Variants in MOB3B observed in about 807,000 individuals in gnomAD.
The protein encoded by MOB3B is MOB kinase activator 3B, also known as MOB kinase activator-like 2B.
MOB3B carries 7 observed loss-of-function variants against 18.7 expected under a neutral mutation model. That is an observed-to-expected ratio of 0.37 (90% CI 0.21 to 0.70). MOB3B has a LOEUF of 0.70. Among genes scored for constraint, MOB3B ranks in the 30% least tolerant of loss-of-function variants. The pLI is 0.52. For synonymous variants in MOB3B, 111 were observed against 99.9 expected (o/e 1.11, Z -0.66); for missense variants, 253 against 281.3 (o/e 0.90, Z 0.72).
At chr9:27,345,161 G>T (rs34778846) in intron 3 of MOB3B, among the ~76,000 whole-genome samples, 6,181 of 152,182 alleles carry the variant, frequency 0.041, 268 homozygotes, top group African/African-American at 0.1. Flanking sequence ...CCTCCCCCAA[G>T]CCCACACACA....
intron 1 of MOB3B, among the ~76,000 whole-genome samples, chr9:27,493,931 C>T (rs914957888): frequency 6.6e-6 from 1 of 152,192 alleles, no homozygotes; most frequent in African/African-American, 2.4e-5. Context: ...AGCCATTTTT[C>T]TCTTCTTTCA....
chr9:27,480,151 C>CTT (rs1175368274), intron 1 of MOB3B, among the ~76,000 whole-genome samples: 1 of 150,902 alleles, frequency 6.6e-6, no homozygotes, highest in Non-Finnish European at 1.5e-5. Flanking sequence ...AAATAGAATG[C>CTT]ATAACTTTTT....
At chr9:27,524,416 C>T (rs754125470) in intron 1 of MOB3B, 1 of 1,614,076 alleles carries the variant, frequency 6.2e-7, no homozygotes, top group Admixed American at 1.7e-5. Context: ...GGCACCCTAT[C>T]CCTGGACTGT....
chr9:27,344,134 G>GA (rs557866390), intron 3 of MOB3B, among the ~76,000 whole-genome samples: 1 of 151,512 alleles, frequency 6.6e-6, no homozygotes, highest in South Asian at 2.1e-4. Context: ...ATCCATTTTA[G>GA]AAAAAAAATT....
chr9:27,335,051 T>A (rs1181614947), intron 3 of MOB3B, among the ~76,000 whole-genome samples: 2 of 152,196 alleles, frequency 1.3e-5, no homozygotes, highest in African/African-American at 4.8e-5. Context: ...GTGATCCGCC[T>A]GCCTTGGCCT....
chr9:27,503,398 C>T (rs951568087), intron 1 of MOB3B, among the ~76,000 whole-genome samples: 2 of 152,192 alleles, frequency 1.3e-5, no homozygotes, highest in African/African-American at 2.4e-5. Context: ...ATCAACTTCT[C>T]GCAAATTAAT....
intron 1 of MOB3B, among the ~76,000 whole-genome samples, chr9:27,480,192 G>T (rs1355427923): frequency 6.6e-6 from 1 of 151,626 alleles, no homozygotes; most frequent in Non-Finnish European, 1.5e-5. Context: ...TCACTCTGTT[G>T]CCCAGGCTGG....
Position 27,326,883 on chromosome 9 carries a change from G to A in MOB3B, c.*3704C>T, listed in dbSNP as rs1820719800. ...TCTGTTTATGTACTTGTGATCCTTT[G>A]GAGGGTCACAACTCACTGTACTATC... On this transcript the variant is annotated 3_prime_UTR_variant, in exon 4 of 4. Transcript: ENST00000262244. 3.9e-6 allele frequency: 1 copy of A among 256,794 alleles called. No individual in the cohort carries two copies. The highest frequency in any genetic ancestry group is 5.4e-5 in the Admixed American group (1 of 18,440). The allele number at this position is 256,794 out of a possible 1,614,324, so 15.9% of individuals were successfully genotyped here.
chr9:27,454,456 G>A (rs1362969695), intron 2 of MOB3B, among the ~76,000 whole-genome samples: 1 of 152,172 alleles, frequency 6.6e-6, no homozygotes, highest in Admixed American at 6.5e-5. Context: ...AAAGTGCATG[G>A]AAAAATCTAA....
intron 2 of MOB3B, among the ~76,000 whole-genome samples, chr9:27,412,936 G>C (rs968302649): frequency 2.0e-5 from 3 of 152,212 alleles, no homozygotes; most frequent in Admixed American, 6.5e-5. Context: ...CACGCTGAGG[G>C]ACCAGGCTGG....
At chr9:27,419,843 GA>G (rs1175582417) in intron 2 of MOB3B, among the ~76,000 whole-genome samples, 1 of 152,082 alleles carries the variant, frequency 6.6e-6, no homozygotes, top group Admixed American at 6.5e-5. Context: ...ACGAAAAAAG[GA>G]ACAGTCAGCA....
chr9:27,517,134 C>T (rs1820247490), intron 1 of MOB3B, among the ~76,000 whole-genome samples: 1 of 152,114 alleles, frequency 6.6e-6, no homozygotes, highest in Admixed American at 6.5e-5. Context: ...CTTCTTGATA[C>T]CTGCTATCAC....
intron 2 of MOB3B, among the ~76,000 whole-genome samples, chr9:27,363,549 T>C (rs1247058373): frequency 6.1e-5 from 9 of 148,546 alleles, no homozygotes; most frequent in African/African-American, 2.2e-4. Flanking sequence ...ATTATAGGCG[T>C]GATCCACCAC....
At chr9:27,404,160 T>G (rs574281196) in intron 2 of MOB3B, among the ~76,000 whole-genome samples, 1 of 152,124 alleles carries the variant, frequency 6.6e-6, no homozygotes, top group Admixed American at 6.6e-5. Context: ...TTTTTTCTTT[T>G]TGGTTCCCAC....
chr9:27,412,401 C>T lies in MOB3B; in HGVS notation c.418+42732G>A, dbSNP rs530344732. 5.9e-5 allele frequency among the ~76,000 whole-genome samples: 9 copies of T among 152,190 alleles called. 1 individual carries two copies. The highest frequency in any genetic ancestry group is 2.2e-4 in the African/African-American group (9 of 41,510). On this transcript the variant is annotated intron_variant, in intron 2 of 3. Coordinates refer to ENST00000262244, the MANE Select transcript of MOB3B (RefSeq NM_024761.5). ...GTTTGTGGCAAAGCCCCCACCTTTC[C>T]GGATTCAAAAGGATTGTTGTCACTC...
At chr9:27,524,302 T>C in intron 1 of MOB3B, 1 of 1,593,256 alleles carries the variant, frequency 6.3e-7, no homozygotes, top group Non-Finnish European at 8.5e-7. Context: ...CATTGTCATA[T>C]ACACATCTTC....
chr9:27,423,676 A>C (rs1284573769), intron 2 of MOB3B, among the ~76,000 whole-genome samples: 2 of 152,216 alleles, frequency 1.3e-5, no homozygotes, highest in Non-Finnish European at 2.9e-5. Context: ...ATCTGTCTTC[A>C]CTACAAGAGT....
intron 1 of MOB3B, among the ~76,000 whole-genome samples, chr9:27,483,193 C>T (rs1819687789): frequency 6.7e-5 from 8 of 119,666 alleles, no homozygotes; most frequent in Middle Eastern, 9.4e-3. Flanking sequence ...AGTGTAGTGG[C>T]GCCATCTTGG....
chr9:27,403,013 C>G (rs1821908565), intron 2 of MOB3B, among the ~76,000 whole-genome samples: 1 of 152,160 alleles, frequency 6.6e-6, no homozygotes, highest in African/African-American at 2.4e-5. Flanking sequence ...TCTCACCAAA[C>G]ATTCAACCTT....
Sources: allele counts gnomAD v4.1 joint callset (sites outside exome capture counted in the v4.1 genomes callset), GRCh38; gene constraint gnomAD v4.1.1; transcripts MANE v1.5; gene names NCBI Gene and HGNC (gene_info 2026-07-23, HGNC 2026-07-21).